Variants in TMC1 observed in about 807,000 individuals in gnomAD.
TMC1 encodes the protein transmembrane channel like 1.
Under a neutral mutation model 105.8 loss-of-function variants are expected in TMC1, and 84 were observed. The ratio of observed to expected loss-of-function variants is 0.79; its 90% CI spans 0.67 to 0.95. The LOEUF (loss-of-function observed/expected upper bound fraction) is 0.95. TMC1 is among the 40% of genes least tolerant of loss of function. The pLI is 0.00. For missense variants in TMC1, 817 were observed against 914.1 expected, an observed-to-expected ratio of 0.89 and a Z score of 1.37; for synonymous variants, 315 against 311.5, an observed-to-expected ratio of 1.01 and a Z score of -0.12.
chr9:72,643,194 T>A (rs1431255908), intron 4 of TMC1, among the ~76,000 whole-genome samples: 1 of 152,162 alleles, frequency 6.6e-6, no homozygotes, highest in Non-Finnish European at 1.5e-5. Context: ...CTTTCCCGCT[T>A]TTTTAGATAT....
rs1051756590 is a variant in TMC1, at chr9:72,571,315, T to A, written c.-427-6587T>A. 3.3e-5 allele frequency among the ~76,000 whole-genome samples: 5 copies of A among 151,490 alleles called. No homozygotes were observed. In the South Asian group the frequency reaches 1.1e-3, roughly 32 times the overall value. On this transcript the variant is annotated intron_variant, in intron 1 of 23. Transcript: ENST00000297784. ...TCCAGACTGGGTGACAGAACAAGAC[T>A]CTGTCTCAAAAAAAAGAAAAGAAAA...
intron 2 of TMC1, 27 bp from the exon 3 acceptor site, chr9:72,616,341 C>T (rs1232907007): frequency 6.6e-6 from 1 of 152,134 alleles, no homozygotes; most frequent in Non-Finnish European, 1.5e-5. Flanking sequence ...AAATGAATCA[C>T]AACCACTTCT....
rs1009457970 is a variant in TMC1 at position 72,838,266 on chromosome 9, GTAAA to G, written c.*2298_*2301del. 2 of 152,210 alleles carry G rather than the reference GTAAA, an allele frequency of 1.3e-5. No individual in the cohort carries two copies. Among genetic ancestry groups the G allele is most frequent in the Admixed American group, 6.5e-5 (1 of 15,284 alleles). The allele number at this position is 152,210 out of a possible 1,614,324, so 9.4% of individuals were successfully genotyped here. Reference sequence around the variant, plus strand: ...TTTAATTAGATTATAATGCAGATGAGTAAATAAAGCTAGTGTTTATTTCTACTTG... The same window carrying G: ...TTTAATTAGATTATAATGCAGATGAGTAAAGCTAGTGTTTATTTCTACTTG... On this transcript the variant is annotated 3_prime_UTR_variant, in exon 24 of 24. Transcript: ENST00000297784.
chr9:72,656,912 G>T (rs555168275), intron 5 of TMC1, among the ~76,000 whole-genome samples: 9 of 152,304 alleles, frequency 5.9e-5, no homozygotes, highest in African/African-American at 2.2e-4. Context: ...CCTCTGAAGG[G>T]TCTCATGTTC....
intron 5 of TMC1, among the ~76,000 whole-genome samples, chr9:72,662,937 T>C (rs758817705): frequency 4.6e-5 from 7 of 152,246 alleles, no homozygotes; most frequent in Admixed American, 1.3e-4. Context: ...TGGGATATAT[T>C]CTTGTAACCA....
At chr9:72,745,101 T>C (rs1827467554) in intron 10 of TMC1, among the ~76,000 whole-genome samples, 1 of 152,248 alleles carries the variant, frequency 6.6e-6, no homozygotes, top group African/African-American at 2.4e-5. Flanking sequence ...AATGGTGCTT[T>C]GTCTCAACTG....
chr9:72,670,766 A>G (rs1353735358), intron 5 of TMC1, among the ~76,000 whole-genome samples: 2 of 152,230 alleles, frequency 1.3e-5, no homozygotes, highest in East Asian at 3.8e-4. Flanking sequence ...AGCATAAGCG[A>G]GATGGGATTC....
At chr9:72,590,245 A>C (rs1467227201) in intron 2 of TMC1, among the ~76,000 whole-genome samples, 1 of 152,190 alleles carries the variant, frequency 6.6e-6, no homozygotes, top group Non-Finnish European at 1.5e-5. Flanking sequence ...TCTCCCACAC[A>C]CTTGCCCTTT....
intron 1 of TMC1, among the ~76,000 whole-genome samples, chr9:72,553,332 T>C (rs923834015): frequency 4.6e-5 from 7 of 152,192 alleles, no homozygotes; most frequent in Non-Finnish European, 7.3e-5. Context: ...TATATTCACA[T>C]ATCAGTTTCC....
At chr9:72,750,285 T>C (rs1827562028) in intron 10 of TMC1, among the ~76,000 whole-genome samples, 1 of 152,190 alleles carries the variant, frequency 6.6e-6, no homozygotes, top group Non-Finnish European at 1.5e-5. Flanking sequence ...AGAAAATCAT[T>C]GGTCAATAGA....
chr9:72,792,135 A>G, intron 16 of TMC1, 56 bp from the exon 17 acceptor site: 10 of 1,613,760 alleles, frequency 6.2e-6, no homozygotes, highest in Non-Finnish European at 7.6e-6. Context: ...GTTTGCCAGA[A>G]ATGCCTTTGA....
At chr9:72,822,079 A>G (rs1485588641) in intron 20 of TMC1, among the ~76,000 whole-genome samples, 1 of 152,194 alleles carries the variant, frequency 6.6e-6, no homozygotes, top group Non-Finnish European at 1.5e-5. Flanking sequence ...TCTTCTCTCT[A>G]TGACACATAT....
chr9:72,738,334 T>C (rs375108489), intron 8 of TMC1, among the ~76,000 whole-genome samples: 1 of 152,190 alleles, frequency 6.6e-6, no homozygotes, highest in African/African-American at 2.4e-5. Flanking sequence ...TGTGCTGTTT[T>C]TTTGGTCACT....
At chr9:72,812,679 AG>A (rs1220166717) in intron 18 of TMC1, among the ~76,000 whole-genome samples, 1 of 152,226 alleles carries the variant, frequency 6.6e-6, no homozygotes, top group African/African-American at 2.4e-5. Context: ...CACACTCAAA[AG>A]CCACTGCTCT....
intron 2 of TMC1, among the ~76,000 whole-genome samples, chr9:72,609,179 C>CCCTTCTTT (rs1824979121): frequency 7.3e-6 from 1 of 136,058 alleles, no homozygotes; most frequent in African/African-American, 2.9e-5. Flanking sequence ...CTTCCTCCTT[C>CCCTTCTTT]CCTTCCTTCC....
At chr9:72,812,612 G>A (rs891338381) in intron 18 of TMC1, among the ~76,000 whole-genome samples, 1 of 152,182 alleles carries the variant, frequency 6.6e-6, no homozygotes, top group Non-Finnish European at 1.5e-5. Context: ...GGCCAGGCCC[G>A]AGAATGTGCT....
intron 1 of TMC1, among the ~76,000 whole-genome samples, chr9:72,553,029 A>G (rs1823881187): frequency 6.6e-6 from 1 of 152,008 alleles, no homozygotes; most frequent in Non-Finnish European, 1.5e-5. Flanking sequence ...GCTGGAGTGC[A>G]ACGGCATGAT....
intron 2 of TMC1, among the ~76,000 whole-genome samples, chr9:72,594,193 A>G (rs770912459): frequency 6.6e-6 from 1 of 152,232 alleles, no homozygotes; most frequent in Non-Finnish European, 1.5e-5. Flanking sequence ...ATGAGACAGC[A>G]GAAGACCTGA....
At chr9:72,814,182 A>AT (rs938341845) in intron 18 of TMC1, among the ~76,000 whole-genome samples, 8 of 152,156 alleles carry the variant, frequency 5.3e-5, no homozygotes, top group African/African-American at 1.9e-4. Context: ...TTAAGATTTG[A>AT]TTTTTAAACA....
Sources: gnomAD v4.1 joint callset for allele counts (sites outside exome capture counted in the v4.1 genomes callset) on GRCh38, gnomAD v4.1.1 for gene constraint, MANE v1.5 for transcripts, NCBI Gene and HGNC (gene_info 2026-07-23, HGNC 2026-07-21) for gene names.